Variants in NLGN1 observed in about 807,000 individuals in gnomAD.
NLGN1 encodes neuroligin-1.
NLGN1 carries 12 observed loss-of-function variants against 65.5 expected under a neutral mutation model. The ratio of observed to expected loss-of-function variants is 0.18; its 90% CI spans 0.12 to 0.30. The LOEUF (loss-of-function observed/expected upper bound fraction) is 0.30, where lower values mean the gene tolerates loss of function less well. Among genes scored for constraint, NLGN1 ranks in the 10% least tolerant of loss-of-function variants. NLGN1 has a pLI of 1.00. For missense variants in NLGN1, 750 were observed against 1,007.1 expected, an observed-to-expected ratio of 0.74 and a Z score of 3.46; for synonymous variants, 350 against 359.5, an observed-to-expected ratio of 0.97 and a Z score of 0.30.
chr3:173,705,641 A>G (rs1767934267), intron 3 of NLGN1, among the ~76,000 whole-genome samples: 1 of 152,140 alleles, frequency 6.6e-6, no homozygotes, highest in Non-Finnish European at 1.5e-5. Context: ...TCTAAGAATA[A>G]CCTTAGCAGG....
intron 3 of NLGN1, among the ~76,000 whole-genome samples, chr3:173,766,955 C>T (rs998198595): frequency 2.0e-5 from 3 of 151,896 alleles, no homozygotes; most frequent in Non-Finnish European, 1.5e-5. Flanking sequence ...TGATTAAAAC[C>T]GATCTGCTGT....
intron 4 of NLGN1, among the ~76,000 whole-genome samples, chr3:173,879,136 A>G (rs1732741273): frequency 6.6e-6 from 1 of 151,894 alleles, no homozygotes; most frequent in African/African-American, 2.4e-5. Flanking sequence ...GGCAGCTGAG[A>G]TAGGAGAATT....
At chr3:174,018,165 C>T (rs1055327152) in intron 4 of NLGN1, among the ~76,000 whole-genome samples, 9 of 152,084 alleles carry the variant, frequency 5.9e-5, no homozygotes, top group African/African-American at 1.9e-4. Flanking sequence ...GGCTCTGTTC[C>T]GTCTGGCTCT....
At chr3:173,711,650 C>T (rs376410234) in intron 3 of NLGN1, among the ~76,000 whole-genome samples, 7 of 152,210 alleles carry the variant, frequency 4.6e-5, no homozygotes, top group East Asian at 3.9e-4. Context: ...TTCTTTTGCC[C>T]GGGAACCTTA....
At chr3:173,829,570 G>A (rs980452504) in intron 4 of NLGN1, among the ~76,000 whole-genome samples, 1 of 97,278 alleles carries the variant, frequency 1.0e-5, no homozygotes, top group Non-Finnish European at 2.0e-5. Context: ...GTGTGTGTGT[G>A]TTTGTGTGTG....
At chr3:174,193,839 T>C (rs1050359204) in intron 4 of NLGN1, among the ~76,000 whole-genome samples, 1 of 152,244 alleles carries the variant, frequency 6.6e-6, no homozygotes, top group African/African-American at 2.4e-5. Context: ...TCTCTGACAT[T>C]GTTTAAAATA....
intron 4 of NLGN1, among the ~76,000 whole-genome samples, chr3:173,889,231 A>G (rs1390003890): frequency 6.6e-6 from 1 of 152,150 alleles, no homozygotes; most frequent in African/African-American, 2.4e-5. Context: ...ATTAATAAGC[A>G]TAATTTTCAG....
intron 4 of NLGN1, among the ~76,000 whole-genome samples, chr3:173,914,558 T>TCAA (rs1740344044): frequency 1.1e-5 from 1 of 89,268 alleles, no homozygotes; most frequent in African/African-American, 4.2e-5. Flanking sequence ...CACACACACA[T>TCAA]ATGTATATAT....
At chr3:173,830,016 G>GT (rs759060017) in intron 4 of NLGN1, among the ~76,000 whole-genome samples, 6 of 142,636 alleles carry the variant, frequency 4.2e-5, no homozygotes, top group African/African-American at 1.6e-4. Context: ...GTGGGGGGGG[G>GT]AGGGAGAGAA....
chr3:174,196,194 A>G (rs567695334), intron 4 of NLGN1, among the ~76,000 whole-genome samples: 1 of 152,350 alleles, frequency 6.6e-6, no homozygotes, highest in African/African-American at 2.4e-5. Context: ...GTGCCTGGCA[A>G]TAGGGTCTGA....
chr3:173,411,302 C>T (rs561855056), intron 1 of NLGN1, among the ~76,000 whole-genome samples: 2 of 152,180 alleles, frequency 1.3e-5, no homozygotes, highest in African/African-American at 2.4e-5. Context: ...GTAGGACTTA[C>T]ATTGAAAGAG....
intron 2 of NLGN1, among the ~76,000 whole-genome samples, chr3:173,539,317 C>T (rs1184455241): frequency 6.6e-6 from 1 of 150,764 alleles, no homozygotes; most frequent in African/African-American, 2.4e-5. Flanking sequence ...ACATTTGGGT[C>T]ACCTCTTTAT....
intron 4 of NLGN1, among the ~76,000 whole-genome samples, chr3:174,182,663 C>A (rs1730666518): frequency 6.6e-6 from 1 of 152,116 alleles, no homozygotes; most frequent in Non-Finnish European, 1.5e-5. Flanking sequence ...ATATGACATA[C>A]CTCATAGTGA....
chr3:174,285,797 GC>G (rs1483771745), exon 7 of NLGN1: 6 of 151,326 alleles, frequency 4.0e-5, no homozygotes, highest in Non-Finnish European at 8.9e-5. Context: ...ATAAAACTTA[GC>G]TTTTTTAAAT....
intron 4 of NLGN1, among the ~76,000 whole-genome samples, chr3:173,911,785 A>G (rs1231811247): frequency 1.3e-5 from 2 of 152,180 alleles, no homozygotes; most frequent in African/African-American, 2.4e-5. Flanking sequence ...ATCTCAAACC[A>G]TGAAAGCATC....
At position 174,135,410 on chromosome 3, in the gene NLGN1, C is replaced by T. The variant is rs189583411; in HGVS notation, c.647-139905C>T. ...TTCAAGGTAAACAGTTAAATATGCT[C>T]GAAAGGGAGCAGTAGTTGTCTAGAG... is the stretch of plus-strand genomic sequence containing the variant. On this transcript the variant is annotated intron_variant, in intron 4 of 6. Transcript: ENST00000457714. Among the ~76,000 whole-genome samples the T allele has an allele frequency of 3.3e-5, 5 of 152,110 alleles. No homozygotes were observed. In the East Asian group the frequency reaches 9.7e-4, roughly 29 times the overall value.
At chr3:173,856,599 T>C (rs1728018706) in intron 4 of NLGN1, among the ~76,000 whole-genome samples, 2 of 152,110 alleles carry the variant, frequency 1.3e-5, no homozygotes, top group Non-Finnish European at 2.9e-5. Context: ...GTAATATATG[T>C]TGCAGTGTAA....
chr3:174,160,573 A>T (rs1726299957), intron 4 of NLGN1, among the ~76,000 whole-genome samples: 1 of 151,478 alleles, frequency 6.6e-6, no homozygotes, highest in Non-Finnish European at 1.5e-5. Context: ...TCTGTAAAGT[A>T]TTTTGTAAGA....
chr3:173,617,189 C>G (rs1753242134), intron 3 of NLGN1, among the ~76,000 whole-genome samples: 1 of 152,138 alleles, frequency 6.6e-6, no homozygotes, highest in Non-Finnish European at 1.5e-5. Flanking sequence ...GCTGATCAAC[C>G]TATCAAGATA....
Sources: allele counts gnomAD v4.1 joint callset (sites outside exome capture counted in the v4.1 genomes callset), GRCh38; gene constraint gnomAD v4.1.1; transcripts MANE v1.5; gene names NCBI Gene and HGNC (gene_info 2026-07-23, HGNC 2026-07-21).